The following EPHX3 variants were observed in gnomAD, a reference collection of about 807,000 sequenced individuals.
The protein encoded by EPHX3 is abhydrolase domain containing 9.
Under a neutral mutation model 40.2 loss-of-function variants are expected in EPHX3, and 39 were observed. The observed-to-expected ratio is 0.97, with a 90% CI of 0.75 to 1.27. The LOEUF is 1.27. Among genes scored for constraint, EPHX3 ranks in the 50% most tolerant of loss-of-function variants. The pLI, the probability that EPHX3 is intolerant of heterozygous loss-of-function variation, is 0.00. For synonymous variants in EPHX3, 213 were observed against 209.7 expected (o/e 1.02, Z -0.14); for missense variants, 442 against 474.0 (o/e 0.93, Z 0.63).
chr19:15,228,713 G>T (rs2047131750), intron 4 of EPHX3, among the ~76,000 whole-genome samples: 2 of 151,522 alleles, frequency 1.3e-5, no homozygotes, highest in South Asian at 4.2e-4. Context: ...TAGAGACAGG[G>T]TTTCACAGTG....
At chr19:15,227,934 C>T (rs768966943) in intron 5 of EPHX3, 27 bp from the exon 6 acceptor site, 10 of 1,614,060 alleles carry the variant, frequency 6.2e-6, no homozygotes, top group Non-Finnish European at 7.6e-6. Context: ...ACTCTGGCTT[C>T]AGTGCCCAGC....
Position 15,227,682 on chromosome 19 carries a change from ACAGG to A in EPHX3, c.858-24_858-21del. 2 of 1,612,004 alleles carry A rather than the reference ACAGG, an allele frequency of 1.2e-6. No individual in the cohort carries two copies. The highest frequency in any genetic ancestry group is 1.7e-6 in the Non-Finnish European group (2 of 1,178,500). ...AAGTTCCTGTGGCCAGGACAGACAG[ACAGG>A]CAGACAGACAGGCAGAAGGATGGTT... On this transcript the variant is annotated intron_variant, in intron 6 of 6. Transcript: ENST00000221730.
rs1599421910 is a variant in EPHX3, at chr19:15,231,848, C to T, written c.257G>A (p.Arg86His). The T allele has an allele frequency of 1.9e-6, 3 of 1,613,898 alleles. No individual in the cohort carries two copies. The highest frequency in any genetic ancestry group is 1.7e-5 in the Admixed American group (1 of 60,026). Residue 86 changes from arginine to histidine, a missense_variant, in exon 2 of 7, where the codon CGT becomes CAT. Transcript: ENST00000221730. ...GFLNLKSSGL[R>H]LHYVSAGRGN... Reference sequence around the variant, plus strand: ...TCGTCCAGCCGAGACATAGTGCAGACGCAGGCCCGAGCTCTAGGGGGAGGG... The same window carrying T: ...TCGTCCAGCCGAGACATAGTGCAGATGCAGGCCCGAGCTCTAGGGGGAGGG...
chr19:15,229,412 C>T (rs900582986), intron 4 of EPHX3, among the ~76,000 whole-genome samples: 1 of 151,784 alleles, frequency 6.6e-6, no homozygotes, highest in Admixed American at 6.6e-5. Context: ...CCAGCCTGGC[C>T]AACATGCTGA....
At chr19:15,236,999 G>A (rs2047196775), upstream of EPHX3, 1 of 204,664 alleles carries the variant, frequency 4.9e-6, no homozygotes, top group Admixed American at 6.1e-5. Flanking sequence ...CCTCACCAGG[G>A]GCTCCAATTA....
At chr19:15,231,112 G>C (rs2047150550) in intron 3 of EPHX3, 22 bp from the exon 4 acceptor site, 3 of 1,613,564 alleles carry the variant, frequency 1.9e-6, no homozygotes, top group Non-Finnish European at 2.5e-6. Flanking sequence ...CAAGGAGCTC[G>C]CATAAGTGAG....
chr19:15,229,885 CA>C (rs546876108), intron 4 of EPHX3, among the ~76,000 whole-genome samples: 165 of 9,360 alleles, frequency 0.018, no homozygotes, highest in African/African-American at 0.05. Flanking sequence ...GACTCTGTCT[CA>C]AAAAAAAAAA....
intron 4 of EPHX3, among the ~76,000 whole-genome samples, chr19:15,230,116 C>T (rs1205827683): frequency 6.6e-6 from 1 of 151,728 alleles, no homozygotes; most frequent in Non-Finnish European, 1.5e-5. Flanking sequence ...TTCCTTGTTA[C>T]TGTAAGTGCT....
rs2047118836 is a variant in EPHX3 at position 15,227,315 on chromosome 19, C to A, written c.*122G>T. On this transcript the variant is annotated 3_prime_UTR_variant, in exon 7 of 7. Transcript: ENST00000221730. ...TGTGTGGGATCCAGGAGTCCCATGC[C>A]TATGAGCGATTCAAGAGTTCACCCA... 6.1e-6 allele frequency: 5 copies of A among 815,422 alleles called. No individual in the cohort carries two copies. Among genetic ancestry groups the A allele is most frequent in the Non-Finnish European group, 1.0e-5 (5 of 502,168 alleles). The allele number at this position is 815,422 out of a possible 1,614,324, so 50.5% of individuals were successfully genotyped here.
In EPHX3 at chr19:15,228,058, T is replaced by C; in HGVS notation, c.659A>G (p.Tyr220Cys). The change falls in exon 5 of 7, where the codon TAC (tyrosine) becomes TGC (cysteine). Residue 220 changes from tyrosine (Y) to cysteine (C), a missense_variant. By Grantham distance (194) the Tyr-to-Cys change is radical (BLOSUM62 -2). Transcript: ENST00000221730. ...CCAGGGCAGCTGGAACAGGAACATGTAGTGGGAACGGAAGAACTGGCTGAT... is the reference window on the plus strand; with the variant it reads ...CCAGGGCAGCTGGAACAGGAACATGCAGTGGGAACGGAAGAACTGGCTGAT... Reference protein sequence around the residue: ...HHISQFFRSHYMFLFQLPWLP... With the variant: ...HHISQFFRSHCMFLFQLPWLP... The C allele has an allele frequency of 6.2e-7, 1 of 1,612,314 alleles. No individual in the cohort carries two copies. Among genetic ancestry groups the C allele is most frequent in the Non-Finnish European group, 8.5e-7 (1 of 1,179,746 alleles).
At chr19:15,228,366 C>T (rs139756276) in intron 4 of EPHX3, among the ~76,000 whole-genome samples, 2 of 152,310 alleles carry the variant, frequency 1.3e-5, no homozygotes, top group Admixed American at 6.5e-5. Context: ...GGCCAGGGTG[C>T]GTTTCCTCTG....
At chr19:15,231,719 C>T in intron 2 of EPHX3, 57 bp downstream of exon 2, 2 of 1,569,594 alleles carry the variant, frequency 1.3e-6, no homozygotes, top group Non-Finnish European at 1.8e-6. Context: ...TCTTGGGAGC[C>T]CAAGCTCCAC....
At chr19:15,232,605 G>T (rs988994985), upstream of EPHX3, among the ~76,000 whole-genome samples, 1 of 151,748 alleles carries the variant, frequency 6.6e-6, no homozygotes, top group African/African-American at 2.4e-5. Context: ...GGCCGGGTGC[G>T]GTGGCTCACG....
Position 15,230,012 on chromosome 19 carries a change from T to C in EPHX3, c.616+950A>G, listed in dbSNP as rs2047142909. 2.0e-5 allele frequency among the ~76,000 whole-genome samples: 3 copies of C among 151,742 alleles called. No individual in the cohort carries two copies. In the South Asian group the frequency reaches 6.3e-4, roughly 32 times the overall value. ...ACATCAGGTGATATGATAGACATTG[T>C]TAACCTCCCCAGCCTCAGTTTCCTC... is the stretch of plus-strand genomic sequence containing the variant. On this transcript the variant is annotated intron_variant, in intron 4 of 6. Transcript: ENST00000221730.
In EPHX3 at chr19:15,231,005, C is replaced by A. The variant is rs1049601997; in HGVS notation, c.573G>T (p.Glu191Asp). The A allele has an allele frequency of 1.2e-6, 2 of 1,614,106 alleles. No homozygotes were observed. Among genetic ancestry groups the A allele is most frequent in the Non-Finnish European group, 1.7e-6 (2 of 1,180,042 alleles). ...GGGCACCACTGACCACAACCATCCG[C>A]TCGACCAGGGATGGGTAGTAGATGG... ...HFSIYYPSLV[E>D]RMVVVSGAPM... Residue 191 changes from glutamate (E) to aspartate (D), a missense_variant, in exon 4 of 7, where the codon GAG becomes GAT. Physicochemically the swap from Glu to Asp is conservative, Grantham distance 45. Coordinates refer to ENST00000221730, the MANE Select transcript of EPHX3 (RefSeq NM_024794.3).
intron 2 of EPHX3, 53 bp from the exon 3 acceptor site, chr19:15,231,449 G>C: frequency 1.3e-6 from 2 of 1,581,556 alleles, no homozygotes; most frequent in East Asian, 2.3e-5. Context: ...GGTTGCACCT[G>C]CACCCTACGC....
chr19:15,229,379 C>T (rs1388582554), intron 4 of EPHX3, among the ~76,000 whole-genome samples: 3 of 152,012 alleles, frequency 2.0e-5, no homozygotes, highest in Non-Finnish European at 4.4e-5. Context: ...GCCGGCAGAT[C>T]GCTTGAGCCC....
upstream of EPHX3, chr19:15,236,979 G>A (rs2047196639): frequency 9.8e-6 from 2 of 203,896 alleles, no homozygotes; most frequent in East Asian, 7.3e-5. Flanking sequence ...GGTTCTCATG[G>A]CACGCGTAAC....
At chr19:15,230,135 ATG>A (rs1568371826) in intron 4 of EPHX3, among the ~76,000 whole-genome samples, 4 of 151,882 alleles carry the variant, frequency 2.6e-5, no homozygotes, top group Admixed American at 2.0e-4. Context: ...CTATAAAAAA[ATG>A]TGGATTACTC....
Sources: allele counts gnomAD v4.1 joint callset (sites outside exome capture counted in the v4.1 genomes callset), GRCh38; gene constraint gnomAD v4.1.1; transcripts MANE v1.5; gene names NCBI Gene and HGNC (gene_info 2026-07-23, HGNC 2026-07-21).